Variants in COLEC10 observed in about 807,000 individuals in gnomAD.
COLEC10 encodes the protein collectin subfamily member 10.
Under a neutral mutation model 28.4 loss-of-function variants are expected in COLEC10, and 22 were observed. The ratio of observed to expected loss-of-function variants is 0.78; its 90% confidence interval spans 0.55 to 1.11. The LOEUF is 1.11. COLEC10 is among the 50% of genes least tolerant of loss of function. The pLI is 0.00. For synonymous variants in COLEC10, 125 were observed against 116.1 expected (o/e 1.08, Z -0.49); for missense variants, 361 against 344.1 (o/e 1.05, Z -0.39).
chr8:119,070,897 T>C (rs996995481), intron 1 of COLEC10, among the ~76,000 whole-genome samples: 5 of 152,186 alleles, frequency 3.3e-5, no homozygotes, highest in Admixed American at 2.0e-4. Flanking sequence ...AATTTCCCTA[T>C]GTGGTACCAA....
chr8:119,037,791 G>A (rs960593320), intron 2 of COLEC10, among the ~76,000 whole-genome samples: 7 of 152,106 alleles, frequency 4.6e-5, no homozygotes, highest in African/African-American at 1.2e-4. Context: ...TCTTTTGTTC[G>A]TGTAAATCTA....
chr8:119,034,503 G>C (rs1458519553), intron 2 of COLEC10, among the ~76,000 whole-genome samples: 1 of 151,976 alleles, frequency 6.6e-6, no homozygotes, highest in East Asian at 1.9e-4. Context: ...ACAAGGTCAG[G>C]AGTTCAAGAT....
intron 1 of COLEC10, among the ~76,000 whole-genome samples, chr8:119,004,453 C>G (rs191561096): frequency 1.3e-5 from 2 of 151,632 alleles, no homozygotes; most frequent in Non-Finnish European, 2.9e-5. Flanking sequence ...TTATTTTTCT[C>G]TCCTCATAAT....
chr8:119,084,905 A>ATTG (rs1815441459), intron 1 of COLEC10, among the ~76,000 whole-genome samples: 1 of 151,998 alleles, frequency 6.6e-6, no homozygotes, highest in African/African-American at 2.4e-5. Flanking sequence ...AGTAATGATT[A>ATTG]TATAATAGAG....
chr8:119,045,468 A>G (rs986916543), intron 2 of COLEC10, among the ~76,000 whole-genome samples: 5 of 152,246 alleles, frequency 3.3e-5, no homozygotes, highest in African/African-American at 9.6e-5. Context: ...TAGATATGGT[A>G]TAACTTTACT....
the COLEC10 span, among the ~76,000 whole-genome samples, chr8:118,962,801 T>C: frequency 1.3e-5 from 2 of 152,186 alleles, no homozygotes; most frequent in Admixed American, 1.3e-4. Flanking sequence ...GCAAACACTA[T>C]TGTATTCTCT....
At chr8:119,074,602 A>T (rs1265122156) in intron 1 of COLEC10, among the ~76,000 whole-genome samples, 1 of 152,174 alleles carries the variant, frequency 6.6e-6, no homozygotes, top group South Asian at 2.1e-4. Context: ...AGGCTCATAG[A>T]TTGTGAAGTC....
the COLEC10 span, among the ~76,000 whole-genome samples, chr8:118,960,084 G>A: frequency 1.3e-5 from 2 of 152,120 alleles, no homozygotes; most frequent in African/African-American, 4.8e-5. Context: ...TATGAGAAGG[G>A]AATGGATTCC....
chr8:118,961,546 G>A, the COLEC10 span, among the ~76,000 whole-genome samples: 10 of 152,250 alleles, frequency 6.6e-5, no homozygotes, highest in South Asian at 4.1e-4. Context: ...ACACTGCCAC[G>A]CTGATTTTGC....
rs780333712 is a variant in COLEC10 at position 119,106,879 on chromosome 8, T to A, written c.*688T>A. 6.6e-6 allele frequency among the ~76,000 whole-genome samples: 1 copy of A among 152,198 alleles called. No homozygotes were observed. The stretch of plus-strand genomic sequence containing the variant: ...ATACCAAGTAGGTGCTTTGAACCCC[T>A]TTCTGTAGGCTCACACCTTAATCTC... On this transcript the variant is annotated 3_prime_UTR_variant, in exon 6 of 6. Coordinates refer to ENST00000332843, the MANE Select transcript of COLEC10 (RefSeq NM_006438.5).
At chr8:119,012,661 T>A (rs1813921114) in intron 2 of COLEC10, among the ~76,000 whole-genome samples, 1 of 150,834 alleles carries the variant, frequency 6.6e-6, no homozygotes, top group Non-Finnish European at 1.5e-5. Context: ...GATATAGGAC[T>A]ATTCAGATTG....
chr8:118,973,351 C>T, the COLEC10 span, among the ~76,000 whole-genome samples: 10 of 151,918 alleles, frequency 6.6e-5, no homozygotes, highest in South Asian at 2.1e-4. Context: ...AATCAAAGTG[C>T]GACCTGGGGC....
At chr8:118,964,242 T>A in the COLEC10 span, among the ~76,000 whole-genome samples, 1 of 152,180 alleles carries the variant, frequency 6.6e-6, no homozygotes, top group Non-Finnish European at 1.5e-5. Flanking sequence ...CTTGCCACAA[T>A]GTCTGACACT....
chr8:119,089,794 G>T, intron 2 of COLEC10, 43 bp downstream of exon 2: 3 of 1,514,776 alleles, frequency 2.0e-6, no homozygotes, highest in Non-Finnish European at 1.8e-6. Flanking sequence ...TATCATAATT[G>T]TTCTTCTATC....
chr8:119,035,950 G>A (rs1814382205), intron 2 of COLEC10, among the ~76,000 whole-genome samples: 1 of 152,026 alleles, frequency 6.6e-6, no homozygotes. Context: ...TTTGTTTTAG[G>A]GAGTTTTTTT....
chr8:119,000,275 A>G (rs890442873), intron 1 of COLEC10, among the ~76,000 whole-genome samples: 1 of 152,062 alleles, frequency 6.6e-6, no homozygotes, highest in Non-Finnish European at 1.5e-5. Context: ...GAAAAGTCGG[A>G]CATCAGAAAA....
intron 1 of COLEC10, among the ~76,000 whole-genome samples, chr8:119,008,894 C>T (rs183197931): frequency 1.3e-5 from 2 of 151,160 alleles, no homozygotes; most frequent in African/African-American, 2.5e-5. Context: ...TTATCTAGCA[C>T]AGTGCCTGGC....
In COLEC10 at chr8:119,067,711, G is replaced by A. The variant is rs1000666366; in HGVS notation, c.148+282G>A. ...GAAATTCCCTGTTCCATTCTGCTCC[G>A]GGGCAGATGCACAATCCAGGCATGA... On this transcript the variant is annotated intron_variant, in intron 1 of 5. Coordinates refer to ENST00000332843, the MANE Select transcript of COLEC10 (RefSeq NM_006438.5). 15 of 309,970 alleles carry A rather than the reference G, an allele frequency of 4.8e-5. 1 individual carries two copies. The highest frequency in any genetic ancestry group is 3.9e-4 in the South Asian group (7 of 17,814). 19.2% of individuals were successfully genotyped at this position (309,970 alleles called of 1,614,324 possible). A position where few individuals can be genotyped will look rare whatever the true frequency, so the allele number is the denominator to read the frequency against.
At chr8:118,986,727 A>G in the COLEC10 span, among the ~76,000 whole-genome samples, 103 of 152,288 alleles carry the variant, frequency 6.8e-4, no homozygotes, top group African/African-American at 2.5e-3. Context: ...TGAAGTACTG[A>G]TGCATTCTAC....
Sources: allele counts gnomAD v4.1 joint callset (sites outside exome capture counted in the v4.1 genomes callset), GRCh38; gene constraint gnomAD v4.1.1; transcripts MANE v1.5; gene names NCBI Gene and HGNC (gene_info 2026-07-23, HGNC 2026-07-21).